Variants in HDAC9 observed in about 807,000 individuals in gnomAD.
HDAC9 encodes MEF-2 interacting transcription repressor (MITR) protein.
Under a neutral mutation model 139.4 loss-of-function variants are expected in HDAC9, and 41 were observed. The ratio of observed to expected loss-of-function variants is 0.29; its 90% confidence interval spans 0.23 to 0.38. HDAC9 has a LOEUF of 0.38. HDAC9 is among the 10% of genes least tolerant of loss of function. The pLI is 1.00. For synonymous variants in HDAC9, 517 were observed against 476.2 expected (o/e 1.09, Z -1.12); for missense variants, 1,147 against 1,297.0 (o/e 0.88, Z 1.78).
chr7:18,180,503 G>T (rs1331036504), intron 2 of HDAC9, among the ~76,000 whole-genome samples: 1 of 151,998 alleles, frequency 6.6e-6, no homozygotes, highest in African/African-American at 2.4e-5. Context: ...GGCCATATGA[G>T]AGGTTGTATT....
At chr7:18,133,932 GCACA>G (rs112343375) in intron 1 of HDAC9, among the ~76,000 whole-genome samples, 556 of 145,874 alleles carry the variant, frequency 3.8e-3, no homozygotes, top group South Asian at 8.2e-3. Context: ...ATACACGCGT[GCACA>G]CACACACACA....
intron 6 of HDAC9, among the ~76,000 whole-genome samples, chr7:18,628,023 A>G (rs1046948134): frequency 2.0e-5 from 3 of 152,186 alleles, no homozygotes; most frequent in African/African-American, 7.2e-5. Flanking sequence ...GAAGAATTGT[A>G]AGTTCTACCT....
chr7:18,277,947 C>A (rs1305172410), intron 2 of HDAC9, among the ~76,000 whole-genome samples: 1 of 152,196 alleles, frequency 6.6e-6, no homozygotes, highest in Non-Finnish European at 1.5e-5. Context: ...CTTTATGCAA[C>A]TAATTACCGT....
intron 9 of HDAC9, 133 bp downstream of exon 9, chr7:18,644,926 T>G: frequency 1.2e-6 from 1 of 817,750 alleles, no homozygotes; most frequent in African/African-American, 1.7e-5. Flanking sequence ...CTGTTTGCTA[T>G]TTGCTGTGTT....
chr7:18,808,326 G>T (rs1376808899), intron 17 of HDAC9: 1 of 152,102 alleles, frequency 6.6e-6, no homozygotes, highest in African/African-American at 2.4e-5. Context: ...CCTAGTTAGA[G>T]AAATTAGATA....
chr7:18,432,018 G>A (rs765802636), intron 1 of HDAC9, among the ~76,000 whole-genome samples: 1 of 152,240 alleles, frequency 6.6e-6, no homozygotes. Flanking sequence ...ACTGGTTGAA[G>A]TGTCCTGAAT....
chr7:18,923,616 AG>A (rs1049106084), intron 22 of HDAC9, among the ~76,000 whole-genome samples: 22 of 152,046 alleles, frequency 1.4e-4, no homozygotes, highest in African/African-American at 5.1e-4. Context: ...AGTGTCTTGA[AG>A]TGTTTGACCT....
At chr7:18,559,123 A>G (rs1031861309) in intron 2 of HDAC9, among the ~76,000 whole-genome samples, 5 of 152,134 alleles carry the variant, frequency 3.3e-5, no homozygotes, top group South Asian at 2.1e-4. Context: ...CCGACTGACA[A>G]GTTACAACTT....
chr7:18,617,729 A>G (rs1453536672), intron 6 of HDAC9, among the ~76,000 whole-genome samples: 2 of 152,164 alleles, frequency 1.3e-5, no homozygotes, highest in African/African-American at 2.4e-5. Flanking sequence ...CCTATTTATT[A>G]TTGTATCCCC....
chr7:18,107,619 C>A (rs1188451030), intron 1 of HDAC9, among the ~76,000 whole-genome samples: 1 of 152,088 alleles, frequency 6.6e-6, no homozygotes, highest in Non-Finnish European at 1.5e-5. Flanking sequence ...TTTTTCTCAA[C>A]CTATACACCT....
At chr7:18,240,146 TAA>T (rs1315980130) in intron 2 of HDAC9, among the ~76,000 whole-genome samples, 3 of 152,098 alleles carry the variant, frequency 2.0e-5, no homozygotes, top group African/African-American at 7.2e-5. Context: ...GTGAATTCTT[TAA>T]AAAAGTCTGG....
intron 15 of HDAC9, among the ~76,000 whole-genome samples, chr7:18,764,414 G>A (rs1218078735): frequency 6.6e-6 from 1 of 152,142 alleles, no homozygotes; most frequent in East Asian, 1.9e-4. Flanking sequence ...AAACAGGGAT[G>A]TTGCATTCTA....
intron 2 of HDAC9, among the ~76,000 whole-genome samples, chr7:18,279,803 A>G (rs1796986882): frequency 6.6e-6 from 1 of 152,038 alleles, no homozygotes; most frequent in African/African-American, 2.4e-5. Context: ...TTGCCTAGAA[A>G]CTAGTTTCAA....
chr7:18,573,424 G>A (rs535307802), intron 2 of HDAC9, among the ~76,000 whole-genome samples: 1 of 152,250 alleles, frequency 6.6e-6, no homozygotes, highest in Non-Finnish European at 1.5e-5. Context: ...TTTGTGTCTA[G>A]GGATCGCTAG....
Position 18,874,616 on chromosome 7 carries a change from C to A in HDAC9, c.2803+20C>A. 7.1e-7 allele frequency: 1 copy of A among 1,417,176 alleles called. No homozygotes were observed. The highest frequency in any genetic ancestry group is 9.8e-7 in the Non-Finnish European group (1 of 1,020,002). 87.8% of individuals were successfully genotyped at this position (1,417,176 alleles called of 1,614,324 possible). The stretch of plus-strand genomic sequence containing the variant: ...CAAAATGTAAGTACCTCTTTCAGGA[C>A]TTTACGAAAGGCTCTGATATCATAC... On this transcript the variant is annotated intron_variant, in intron 22 of 25. Transcript: ENST00000686413.
chr7:18,870,907 C>T lies in HDAC9; in HGVS notation c.2685-3571C>T, dbSNP rs181638734. 1.4e-4 allele frequency among the ~76,000 whole-genome samples: 21 copies of T among 152,248 alleles called. No individual in the cohort carries two copies. In the East Asian group the frequency reaches 4.1e-3, roughly 29 times the overall value. On this transcript the variant is annotated intron_variant, in intron 21 of 25. Coordinates refer to ENST00000686413, the MANE Select transcript of HDAC9 (RefSeq NM_178425.4). ...GGAACCCCTAGGCTCAAGCAATTCT[C>T]CTGCCTTGGCTTCTCAAAGTGCTGG...
rs1162346415 is a variant in HDAC9, at chr7:19,001,212, C to T, written c.*5150C>T. Reference sequence around the variant, plus strand: ...TGTCCTTTGGGAGATGTCTTTGAGTCAAACCCACAAGCATGAACTCTCACC... The same window carrying T: ...TGTCCTTTGGGAGATGTCTTTGAGTTAAACCCACAAGCATGAACTCTCACC... On this transcript the variant is annotated 3_prime_UTR_variant, in exon 26 of 26. Coordinates refer to ENST00000686413, the MANE Select transcript of HDAC9 (RefSeq NM_178425.4). The T allele has an allele frequency of 6.6e-6, 1 of 152,056 alleles. No homozygotes were observed. The highest frequency in any genetic ancestry group is 2.4e-5 in the African/African-American group (1 of 41,416). 9.4% of individuals were successfully genotyped at this position (152,056 alleles called of 1,614,324 possible).
intron 2 of HDAC9, among the ~76,000 whole-genome samples, chr7:18,166,004 A>G (rs561110754): frequency 6.6e-6 from 1 of 152,268 alleles, no homozygotes; most frequent in South Asian, 2.1e-4. Flanking sequence ...GCAGCTTTTT[A>G]GTCCGATCTC....
At chr7:18,261,223 G>A (rs1343223907) in intron 2 of HDAC9, among the ~76,000 whole-genome samples, 1 of 152,112 alleles carries the variant, frequency 6.6e-6, no homozygotes, top group Admixed American at 6.6e-5. Flanking sequence ...TGAGAGGATT[G>A]GTTGAGCCTG....
Sources: allele counts gnomAD v4.1 joint callset (sites outside exome capture counted in the v4.1 genomes callset), GRCh38; gene constraint gnomAD v4.1.1; transcripts MANE v1.5; gene names NCBI Gene and HGNC (gene_info 2026-07-23, HGNC 2026-07-21).